Variants in GATA4 observed in about 807,000 individuals in gnomAD.
GATA4 encodes the protein transcription factor GATA-4.
In GATA4, 7 loss-of-function variants were observed where a neutral mutation model predicts 37.9. The ratio of observed to expected loss-of-function variants is 0.18; its 90% CI spans 0.11 to 0.35. The LOEUF is 0.35. Among genes scored for constraint, GATA4 ranks in the 10% least tolerant of loss-of-function variants. The pLI is 1.00. For synonymous variants in GATA4, 372 were observed against 292.6 expected (o/e 1.27, Z -2.77); for missense variants, 647 against 653.0 (o/e 0.99, Z 0.10).
chr8:11,685,503 G>A (rs777010615), intron 1 of GATA4, among the ~76,000 whole-genome samples: 9 of 152,200 alleles, frequency 5.9e-5, no homozygotes, highest in East Asian at 1.9e-4. Context: ...TGACTGGTGC[G>A]CTTTCGTAGC....
At chr8:11,690,369 A>G (rs149149788), upstream of GATA4, among the ~76,000 whole-genome samples, 1 of 152,256 alleles carries the variant, frequency 6.6e-6, no homozygotes, top group South Asian at 2.1e-4. Flanking sequence ...TGTCTACTAT[A>G]TGTTAGAAAC....
chr8:11,756,627 T>C (rs1802581710), intron 5 of GATA4: 1 of 454,612 alleles, frequency 2.2e-6, no homozygotes. Flanking sequence ...CTGCTGGAGG[T>C]ATTCTGTAAT....
intron 2 of GATA4, among the ~76,000 whole-genome samples, chr8:11,730,281 G>A (rs1415249599): frequency 6.6e-6 from 1 of 152,164 alleles, no homozygotes; most frequent in Non-Finnish European, 1.5e-5. Flanking sequence ...ACAGGGACGT[G>A]GTGTCCATCT....
At chr8:11,739,769 A>AGCTTCTGTCGTGTGC (rs939963584) in intron 2 of GATA4, among the ~76,000 whole-genome samples, 5 of 23,688 alleles carry the variant, frequency 2.1e-4, no homozygotes, top group East Asian at 1.2e-3. Flanking sequence ...TCGTGTGCGG[A>AGCTTCTGTCGTGTGC]GGAGTTTCTG....
intron 1 of GATA4, chr8:11,681,583 C>G (rs1798975846): frequency 2.1e-6 from 1 of 485,012 alleles, no homozygotes; most frequent in Admixed American, 6.4e-5. Context: ...CTCCTCCACC[C>G]CACTCGCTGT....
At chr8:11,718,902 A>G (rs561972466) in intron 2 of GATA4, among the ~76,000 whole-genome samples, 85 of 152,376 alleles carry the variant, frequency 5.6e-4, no homozygotes, top group Non-Finnish European at 9.7e-4. Context: ...CCTCGGGACC[A>G]TGCCAGGAGG....
upstream of GATA4, chr8:11,704,114 A>G (rs907496466): frequency 6.6e-6 from 1 of 151,102 alleles, no homozygotes; most frequent in Non-Finnish European, 1.5e-5. Context: ...GGGGCCGCGC[A>G]CCCCCGCCCC....
chr8:11,692,435 A>G, upstream of GATA4: 1 of 819,012 alleles, frequency 1.2e-6, no homozygotes, highest in Non-Finnish European at 1.5e-6. Flanking sequence ...ATCTATCACT[A>G]TATAATTCGA....
At chr8:11,737,041 A>C (rs1032694818) in intron 2 of GATA4, among the ~76,000 whole-genome samples, 2 of 152,070 alleles carry the variant, frequency 1.3e-5, no homozygotes, top group East Asian at 3.9e-4. Context: ...TATTTCATGC[A>C]AAAAGCTTTC....
chr8:11,722,009 A>C (rs1182864712), intron 2 of GATA4, among the ~76,000 whole-genome samples: 1 of 152,080 alleles, frequency 6.6e-6, no homozygotes. Context: ...CTACCTTTTA[A>C]ATAGGTTAAA....
At chr8:11,744,148 A>C (rs914311302) in intron 2 of GATA4, among the ~76,000 whole-genome samples, 4 of 152,116 alleles carry the variant, frequency 2.6e-5, no homozygotes, top group African/African-American at 9.7e-5. Flanking sequence ...GAAAGGTCAG[A>C]TTCCCCAGTC....
intron 5 of GATA4, 69 bp downstream of exon 5, chr8:11,755,202 C>CT (rs1262260946): frequency 3.0e-6 from 4 of 1,348,516 alleles, no homozygotes; most frequent in Non-Finnish European, 4.2e-6. Flanking sequence ...AGAATCATAT[C>CT]TTCCGGGTTA....
upstream of GATA4, among the ~76,000 whole-genome samples, chr8:11,690,513 A>G (rs1799276117): frequency 6.6e-6 from 1 of 152,194 alleles, no homozygotes; most frequent in African/African-American, 2.4e-5. Context: ...CTGTAGAAAC[A>G]GAAGGGGAAA....
At chr8:11,682,105 G>T (rs934995373) in intron 1 of GATA4, among the ~76,000 whole-genome samples, 1 of 152,130 alleles carries the variant, frequency 6.6e-6, no homozygotes, top group African/African-American at 2.4e-5. Flanking sequence ...AAATTTCTTA[G>T]GTTTTTACCT....
intron 2 of GATA4, among the ~76,000 whole-genome samples, chr8:11,727,270 C>G (rs1362902929): frequency 6.6e-6 from 1 of 152,034 alleles, no homozygotes; most frequent in East Asian, 1.9e-4. Context: ...CCAGGAGTGG[C>G]ATTAATAATG....
At chr8:11,690,494 T>G (rs1799275598), upstream of GATA4, among the ~76,000 whole-genome samples, 2 of 151,966 alleles carry the variant, frequency 1.3e-5, no homozygotes, top group African/African-American at 4.8e-5. Flanking sequence ...AAATACAGTG[T>G]GATAAAGGCT....
intron 1 of GATA4, chr8:11,680,707 C>A: frequency 2.0e-6 from 2 of 985,348 alleles, no homozygotes; most frequent in Non-Finnish European, 2.4e-6. Context: ...CGGAATCCTC[C>A]AGCCGCTGCG....
At chr8:11,694,480 G>A (rs1799442481) in intron 1 of GATA4, 10 of 985,176 alleles carry the variant, frequency 1.0e-5, no homozygotes, top group Non-Finnish European at 1.1e-5. Flanking sequence ...TCCGAGCCGT[G>A]GACTGCATCC....
chr8:11,727,632 C>T (rs907121390), intron 2 of GATA4, among the ~76,000 whole-genome samples: 2 of 151,972 alleles, frequency 1.3e-5, no homozygotes, highest in African/African-American at 4.8e-5. Flanking sequence ...CGCTTGAGCT[C>T]AGGAGTTCGA....
Sources: allele counts gnomAD v4.1 joint callset (sites outside exome capture counted in the v4.1 genomes callset), GRCh38; gene constraint gnomAD v4.1.1; transcripts MANE v1.5; gene names NCBI Gene and HGNC (gene_info 2026-07-23, HGNC 2026-07-21).